CFH: variants seen among roughly 807,000 people sequenced by gnomAD.
CFH encodes the protein H factor 1 (complement).
Under a neutral mutation model 147.3 loss-of-function variants are expected in CFH, and 53 were observed. The ratio of observed to expected loss-of-function variants is 0.36; its 90% CI spans 0.29 to 0.45. The LOEUF is 0.45. Ranked by LOEUF, CFH falls within the 20% of genes least tolerant of loss-of-function variation. The pLI, the probability that CFH is intolerant of heterozygous loss-of-function variation, is 1.00. For missense variants in CFH, 1,380 were observed against 1,498.0 expected (o/e 0.92, Z 1.30); for synonymous variants, 536 against 489.4 (o/e 1.10, Z -1.26).
rs1197117015 is a variant in CFH at position 196,716,161 on chromosome 1, G to A, written c.1696+392G>A. Among the ~76,000 whole-genome samples the A allele has an allele frequency of 4.6e-5, 7 of 152,026 alleles. No homozygotes were observed. The South Asian group carries it at 1.5e-3, about 32-fold the overall frequency. On this transcript the variant is annotated intron_variant, in intron 11 of 21. Transcript: ENST00000367429. The stretch of plus-strand genomic sequence containing the variant: ...GTGTTAATTTCTGTACTTTCTGAGT[G>A]TAGTTCTTTATTTTCTAAATTTGAA...
In CFH at chr1:196,728,344, A is replaced by G. The variant is rs767206611; in HGVS notation, c.2237-2A>G. The G allele has an allele frequency of 7.1e-7, 1 of 1,411,278 alleles. No homozygotes were observed. The highest frequency in any genetic ancestry group is 1.4e-5 in the South Asian group (1 of 72,370). 87.4% of individuals were successfully genotyped at this position (1,411,278 alleles called of 1,614,324 possible). ...TTTCATAAAAATATATTTATTTTAT[A>G]GCAATAGATAAACTTAAGAAGTGCA... On this transcript the variant is annotated splice_acceptor_variant, in intron 14 of 21. Transcript: ENST00000367429. LOFTEE classifies it high-confidence loss of function.
At chr1:196,714,662 TATATATAGAG>T (rs1313409179) in intron 10 of CFH, among the ~76,000 whole-genome samples, 26 of 37,466 alleles carry the variant, frequency 6.9e-4, no homozygotes, top group African/African-American at 2.7e-3. Flanking sequence ...TATATATATA[TATATATAGAG>T]AGAGAGAGAG....
chr1:196,678,251 GC>G (rs1430167520), intron 5 of CFH: 1 of 153,416 alleles, frequency 6.5e-6, no homozygotes, highest in Non-Finnish European at 1.4e-5. Context: ...ATAAATTGTT[GC>G]CTCTTAAAAA....
At position 196,676,003 on chromosome 1, in the gene CFH, G is replaced by A; in HGVS notation, c.365G>A (p.Gly122Asp). Reference sequence around the variant, plus strand: ...TTGGTTTTCAGGTATCAATTGCTAGGTGAGATTAATTACCGTGAATGTGAC... The same window carrying A: ...TTGGTTTTCAGGTATCAATTGCTAGATGAGATTAATTACCGTGAATGTGAC... ...YTCNEGYQLLGEINYRECDTD... is the reference protein window; with the variant it reads ...YTCNEGYQLLDEINYRECDTD... Residue 122 changes from glycine to aspartate, a missense_variant, in exon 4 of 22, where the codon GGT becomes GAT. By Grantham distance (94) the Gly-to-Asp change is moderately conservative. Around this residue, in one of 4 missense-constraint regions of CFH, gnomAD observed 260 missense variants for 263.3 expected, o/e 0.99. Transcript: ENST00000367429. 1 of 1,610,126 alleles carries A rather than the reference G, an allele frequency of 6.2e-7. No homozygotes were observed.
rs1313344842 is a variant in CFH at position 196,673,156 on chromosome 1, A to G, written c.237A>G (p.Lys79=). 7 of 1,612,460 alleles carry G rather than the reference A, an allele frequency of 4.3e-6. No individual in the cohort carries two copies. The highest frequency in any genetic ancestry group is 5.9e-6 in the Non-Finnish European group (7 of 1,178,822). ...GGGTTGCTCTTAATCCATTAAGGAA[A>G]TGTCAGAGTAAGTACTTAATACATT... ...GEWVALNPLR[K]CQKRPCGHPG... The change falls in exon 2 of 22, where the codon AAA becomes AAG. Residue 79 remains lysine (K), a synonymous_variant. Coordinates refer to ENST00000367429, the MANE Select transcript of CFH (RefSeq NM_000186.4).
chr1:196,746,456 A>G (rs1246591848), intron 21 of CFH, among the ~76,000 whole-genome samples: 1 of 152,224 alleles, frequency 6.6e-6, no homozygotes, highest in Non-Finnish European at 1.5e-5. Flanking sequence ...GTCTCAATAA[A>G]AACAACAAAA....
rs1406150082 is a variant in CFH at position 196,726,684 on chromosome 1, TC to T, written c.2056+33del. On this transcript the variant is annotated intron_variant, in intron 13 of 21. Coordinates refer to ENST00000367429, the MANE Select transcript of CFH (RefSeq NM_000186.4). Reference sequence around the variant, plus strand: ...TATAAAATATTAATATTTAAACTTGTCAAAACTTTTGTATTTTGTATCTAAA... The same window carrying T: ...TATAAAATATTAATATTTAAACTTGTAAAACTTTTGTATTTTGTATCTAAA... 3 of 1,606,608 alleles carry T rather than the reference TC, an allele frequency of 1.9e-6. No homozygotes were observed. In the African/African-American group the frequency reaches 4.0e-5, roughly 22 times the overall value.
At chr1:196,734,714 C>G (rs539295106) in intron 15 of CFH, among the ~76,000 whole-genome samples, 10 of 152,074 alleles carry the variant, frequency 6.6e-5, no homozygotes, top group Non-Finnish European at 2.9e-5. Flanking sequence ...TGTCACTGCC[C>G]TCTTTCATCC....
At chr1:196,668,929 G>A (rs1667186671) in intron 1 of CFH, among the ~76,000 whole-genome samples, 1 of 152,198 alleles carries the variant, frequency 6.6e-6, no homozygotes, top group South Asian at 2.1e-4. Context: ...AATGGGCAGA[G>A]GTTGGAACAG....
At chr1:196,742,375 C>CA (rs1376821416) in intron 19 of CFH, among the ~76,000 whole-genome samples, 2 of 151,614 alleles carry the variant, frequency 1.3e-5, no homozygotes, top group African/African-American at 4.9e-5. Context: ...GATTCCGTCT[C>CA]AAAAAAATAA....
In CFH at chr1:196,726,875, C is replaced by A. The variant is rs142902005; in HGVS notation, c.2171C>A (p.Thr724Lys). The A allele has an allele frequency of 7.4e-5, 120 of 1,613,434 alleles. No homozygotes were observed. The African/African-American group carries it at 1.1e-3, about 14-fold the overall frequency. ...GAATTCAATTGCTCAGAATCATTTACAATGATTGGACACAGATCAATTACG... is the reference window on the plus strand; with the variant it reads ...GAATTCAATTGCTCAGAATCATTTAAAATGATTGGACACAGATCAATTACG... ...SVEFNCSESF[T>K]MIGHRSITCI... Residue 724 changes from threonine (T) to lysine (K), a missense_variant, in exon 14 of 22, where the codon ACA becomes AAA. Thr to Lys is a moderately conservative substitution (Grantham distance 78, BLOSUM62 -1). Around this residue, in one of 4 missense-constraint regions of CFH, gnomAD observed 830 missense variants for 821.4 expected, o/e 1.01. Transcript: ENST00000367429.
At chr1:196,659,867 T>A (rs1666844528) in intron 1 of CFH, among the ~76,000 whole-genome samples, 1 of 152,202 alleles carries the variant, frequency 6.6e-6, no homozygotes, top group Admixed American at 6.5e-5. Context: ...CAGGAAAGTG[T>A]ATCTGAAGTG....
Position 196,676,046 on chromosome 1 carries a change from T to C in CFH, c.408T>C (p.Asn136=). ...AATGTGACACAGATGGATGGACCAA[T>C]GATATTCCTATATGTGAAGGTAGAC... is the stretch of plus-strand genomic sequence containing the variant. ...YRECDTDGWT[N]DIPICEVVKC... The change falls in exon 4 of 22, where the codon AAT becomes AAC. Residue 136 remains asparagine (N), a synonymous_variant. Coordinates refer to ENST00000367429, the MANE Select transcript of CFH (RefSeq NM_000186.4). 1 of 1,606,998 alleles carries C rather than the reference T, an allele frequency of 6.2e-7. No individual in the cohort carries two copies. Among genetic ancestry groups the C allele is most frequent in the Non-Finnish European group, 8.5e-7 (1 of 1,174,308 alleles).
At chr1:196,729,116 CA>C (rs1669221322) in intron 15 of CFH, among the ~76,000 whole-genome samples, 1 of 151,812 alleles carries the variant, frequency 6.6e-6, no homozygotes, top group Admixed American at 6.6e-5. Context: ...TTTTGCTATC[CA>C]ATTGTGGGTT....
At chr1:196,661,875 GGTTTTGTTTTGTTT>G (rs1666922338) in intron 1 of CFH, among the ~76,000 whole-genome samples, 1 of 151,738 alleles carries the variant, frequency 6.6e-6, no homozygotes, top group Non-Finnish European at 1.5e-5. Context: ...CTTAAAAAGA[GGTTTTGTTTTGTTT>G]GTTTTGTTTT....
intron 1 of CFH, among the ~76,000 whole-genome samples, chr1:196,670,682 T>C (rs139161874): frequency 5.3e-5 from 8 of 152,268 alleles, no homozygotes; most frequent in Non-Finnish European, 1.0e-4. Context: ...TACCCAGTCT[T>C]GAGTATTTCT....
At chr1:196,656,170 G>A (rs1447698249) in intron 1 of CFH, among the ~76,000 whole-genome samples, 1 of 152,012 alleles carries the variant, frequency 6.6e-6, no homozygotes, top group African/African-American at 2.4e-5. Context: ...CAGGCGTGGT[G>A]GCGCGTGCCT....
chr1:196,652,676 T>C (rs1282383038), intron 1 of CFH, among the ~76,000 whole-genome samples: 9 of 151,878 alleles, frequency 5.9e-5, no homozygotes, highest in Non-Finnish European at 1.2e-4. Flanking sequence ...TAGACAAGTA[T>C]TACTTGTATT....
At chr1:196,686,150 C>G (rs1329422) in intron 7 of CFH, among the ~76,000 whole-genome samples, 97,926 of 151,944 alleles carry the variant, frequency 0.64, 32,015 homozygotes, top group East Asian at 0.95. Flanking sequence ...AGATCCACCT[C>G]TATGATCCAA....
Sources: gnomAD v4.1 joint callset for allele counts (sites outside exome capture counted in the v4.1 genomes callset) on GRCh38, gnomAD v4.1.1 for gene constraint, gnomAD v4.1.1 regional missense constraint, MANE v1.5 for transcripts, NCBI Gene and HGNC (gene_info 2026-07-23, HGNC 2026-07-21) for gene names.